The following SMURF1 variants were observed in gnomAD, a reference collection of about 807,000 sequenced individuals.
SMURF1 encodes SMAD specific E3 ubiquitin protein ligase 1, also known as E3 ubiquitin-protein ligase SMURF1.
In SMURF1, 44 loss-of-function variants were observed where a neutral mutation model predicts 98.0. The ratio of observed to expected loss-of-function variants is 0.45; its 90% CI spans 0.35 to 0.58. The LOEUF is 0.58. Among genes scored for constraint, SMURF1 ranks in the 20% least tolerant of loss-of-function variants. The pLI, the probability that SMURF1 is intolerant of heterozygous loss-of-function variation, is 0.00. For missense variants in SMURF1, 687 were observed against 938.4 expected, an observed-to-expected ratio of 0.73 and a Z score of 3.50; for synonymous variants, 396 against 374.9, an observed-to-expected ratio of 1.06 and a Z score of -0.65.
chr7:99,061,934 T>A, intron 1 of SMURF1, 97 bp from the exon 2 acceptor site: 3 of 888,666 alleles, frequency 3.4e-6, no homozygotes, highest in Non-Finnish European at 5.0e-6. Flanking sequence ...CTCTAAAAAT[T>A]AGCTTTGCCG....
chr7:99,063,310 G>A (rs867406016), intron 1 of SMURF1, among the ~76,000 whole-genome samples: 124 of 102,726 alleles, frequency 1.2e-3, no homozygotes, highest in African/African-American at 4.9e-3. Context: ...TATATAAAAA[G>A]AGACAGGGTC....
intron 1 of SMURF1, among the ~76,000 whole-genome samples, chr7:99,129,360 A>C (rs1563042419): frequency 6.6e-6 from 1 of 152,112 alleles, no homozygotes; most frequent in Non-Finnish European, 1.5e-5. Context: ...ACCCACAACA[A>C]CACTGAAGTG....
At chr7:99,095,063 G>GTTTATTTTAT (rs10525660) in intron 1 of SMURF1, among the ~76,000 whole-genome samples, 2,538 of 149,636 alleles carry the variant, frequency 0.017, 106 homozygotes, top group South Asian at 0.16. Flanking sequence ...TGCTGTTTTT[G>GTTTATTTTAT]TTTATTTTAT....
intron 1 of SMURF1, among the ~76,000 whole-genome samples, chr7:99,063,279 A>ATATATATG (rs1796103765): frequency 5.2e-5 from 1 of 19,352 alleles, no homozygotes; most frequent in African/African-American, 1.1e-4. Context: ...ATATATATAT[A>ATATATATG]TATATATATA....
rs1488331104 is a variant in SMURF1 at position 99,028,291 on chromosome 7, C to T, written c.*2293G>A. ...CAAACCATCGTAGAAACTGAAGGTT[C>T]TAGGAGTGCAGTGCCACCGACAGGG... On this transcript the variant is annotated 3_prime_UTR_variant, in exon 18 of 18. Coordinates refer to ENST00000361368, the MANE Select transcript of SMURF1 (RefSeq NM_181349.3). 2 of 152,376 alleles carry T rather than the reference C, an allele frequency of 1.3e-5. No individual in the cohort carries two copies. The highest frequency in any genetic ancestry group is 2.1e-4 in the South Asian group (1 of 4,832). 9.4% of individuals were successfully genotyped at this position (152,376 alleles called of 1,614,324 possible).
At chr7:99,113,631 G>A (rs138991768) in intron 1 of SMURF1, among the ~76,000 whole-genome samples, 7,492 of 151,912 alleles carry the variant, frequency 0.049, 604 homozygotes, top group African/African-American at 0.17. Flanking sequence ...ACAAGGTCAG[G>A]AGATCGAGAT....
chr7:99,118,412 C>T (rs1313969518), intron 1 of SMURF1, among the ~76,000 whole-genome samples: 1 of 152,112 alleles, frequency 6.6e-6, no homozygotes, highest in Non-Finnish European at 1.5e-5. Context: ...AAATGTCAAT[C>T]AATTAAAAGA....
chr7:99,125,555 C>T (rs1302168698), intron 1 of SMURF1, among the ~76,000 whole-genome samples: 1 of 152,218 alleles, frequency 6.6e-6, no homozygotes, highest in Non-Finnish European at 1.5e-5. Flanking sequence ...TCTATTCCCT[C>T]ATTAGGTGTC....
At chr7:99,048,109 C>T (rs1162067457) in intron 9 of SMURF1, 2 of 502,534 alleles carry the variant, frequency 4.0e-6, no homozygotes, top group East Asian at 3.7e-5. Context: ...TACCCCAGGC[C>T]GGGCGTGGTG....
intron 1 of SMURF1, among the ~76,000 whole-genome samples, chr7:99,133,739 C>A (rs1378755887): frequency 6.6e-6 from 1 of 152,016 alleles, no homozygotes; most frequent in Non-Finnish European, 1.5e-5. Flanking sequence ...GTCTTAAAAG[C>A]CAAAACTAGA....
At chr7:99,135,473 T>C (rs1351317088) in intron 1 of SMURF1, among the ~76,000 whole-genome samples, 1 of 152,238 alleles carries the variant, frequency 6.6e-6, no homozygotes, top group Non-Finnish European at 1.5e-5. Context: ...TTTTATTTCT[T>C]GTTTTATTAT....
intron 10 of SMURF1, among the ~76,000 whole-genome samples, chr7:99,046,996 G>A (rs1795604088): frequency 6.6e-6 from 1 of 152,184 alleles, no homozygotes; most frequent in Non-Finnish European, 1.5e-5. Flanking sequence ...TCTGTGCTCA[G>A]TCTCCTTTGA....
At chr7:99,093,639 A>C (rs1796865521) in intron 1 of SMURF1, among the ~76,000 whole-genome samples, 1 of 152,184 alleles carries the variant, frequency 6.6e-6, no homozygotes, top group Non-Finnish European at 1.5e-5. Context: ...TTTTATGCCA[A>C]ACTAAGAATA....
chr7:99,137,213 T>C (rs1364515157), intron 1 of SMURF1, among the ~76,000 whole-genome samples: 1 of 152,232 alleles, frequency 6.6e-6, no homozygotes, highest in Non-Finnish European at 1.5e-5. Flanking sequence ...CAGGAATCTA[T>C]GACTGTATTA....
chr7:99,061,912 C>A, intron 1 of SMURF1, 75 bp from the exon 2 acceptor site: 13 of 1,090,686 alleles, frequency 1.2e-5, no homozygotes, highest in South Asian at 7.4e-5. Flanking sequence ...TATTTACACC[C>A]GAACAAAAAG....
intron 1 of SMURF1, among the ~76,000 whole-genome samples, chr7:99,072,899 G>T (rs145128505): frequency 1.4e-4 from 22 of 152,204 alleles, no homozygotes; most frequent in African/African-American, 5.1e-4. Context: ...TCACATCACA[G>T]TATAAATCAG....
At chr7:99,061,638 A>C (rs549861060) in intron 2 of SMURF1, among the ~76,000 whole-genome samples, 161 bp downstream of exon 2, 1 of 152,240 alleles carries the variant, frequency 6.6e-6, no homozygotes, top group African/African-American at 2.4e-5. Flanking sequence ...GGAACTACCC[A>C]TGTTGTAGTC....
At chr7:99,087,594 T>C (rs923340770) in intron 1 of SMURF1, among the ~76,000 whole-genome samples, 5 of 152,282 alleles carry the variant, frequency 3.3e-5, no homozygotes, top group African/African-American at 4.8e-5. Context: ...TAAAAGGTAG[T>C]GTCTGGGCAT....
rs892339698 is a variant in SMURF1, at chr7:99,143,768, C to T, written c.13G>A (p.Gly5Arg). Residue 5 changes from glycine (G) to arginine (R), a missense_variant, in exon 1 of 18, where the codon GGG (glycine) becomes AGG (arginine). Around this residue, in one of 2 missense-constraint regions of SMURF1, gnomAD observed 415 missense variants for 508.4 expected, o/e 0.82. Coordinates refer to ENST00000361368, the MANE Select transcript of SMURF1 (RefSeq NM_181349.3). MSNP[G>R]TRRNGSSIKI... Reference sequence around the variant, plus strand: ...ATGCTGGAGCCGTTCCTGCGTGTCCCGGGGTTCGACATCTCCCGCCAACGA... The same window carrying T: ...ATGCTGGAGCCGTTCCTGCGTGTCCTGGGGTTCGACATCTCCCGCCAACGA... 1.3e-6 allele frequency: 2 copies of T among 1,523,656 alleles called. No homozygotes were observed. The highest frequency in any genetic ancestry group is 1.2e-5 in the South Asian group (1 of 85,566). The allele number at this position is 1,523,656 out of a possible 1,614,324, so 94.4% of individuals were successfully genotyped here.
Sources: allele counts gnomAD v4.1 joint callset (sites outside exome capture counted in the v4.1 genomes callset), GRCh38; gene constraint gnomAD v4.1.1; regional missense constraint gnomAD v4.1.1; transcripts MANE v1.5; gene names NCBI Gene and HGNC (gene_info 2026-07-23, HGNC 2026-07-21).